The following HMHB1 variants were observed in gnomAD, a reference collection of about 807,000 sequenced individuals.
HMHB1 encodes the protein histocompatibility minor HB-1, also known as minor histocompatibility protein HB-1.
HMHB1 carries 4 observed loss-of-function variants against 2.4 expected under a neutral mutation model. The ratio of observed to expected loss-of-function variants is 1.65; its 90% confidence interval spans 0.81 to 3.77. The LOEUF is 3.77. Among genes scored for constraint, HMHB1 ranks in the 30% most tolerant of loss-of-function variants. HMHB1 has a pLI of 0.01. For synonymous variants in HMHB1, 22 were observed against 17.6 expected (o/e 1.25, Z -0.63); for missense variants, 57 against 44.2 (o/e 1.29, Z -0.82).
rs780872966 is a variant in HMHB1, at chr5:143,820,476, A to G, written c.38-4A>G. 1.3e-6 allele frequency: 2 copies of G among 1,592,272 alleles called. No individual in the cohort carries two copies. The highest frequency in any genetic ancestry group is 3.3e-5 in the Admixed American group (2 of 59,918). On this transcript the variant is annotated splice_polypyrimidine_tract_variant and splice_region_variant and intron_variant, in intron 1 of 1. Coordinates refer to ENST00000289448, the MANE Select transcript of HMHB1 (RefSeq NM_021182.3). The stretch of plus-strand genomic sequence containing the variant: ...AGTCTCAGCTAAGCCATTCTTTTCT[A>G]TAGGTTCTCTGCATGTTTGGAAGTC...
intron 1 of HMHB1, among the ~76,000 whole-genome samples, chr5:143,819,674 C>T (rs1311040186): frequency 6.6e-6 from 1 of 150,780 alleles, no homozygotes; most frequent in Non-Finnish European, 1.5e-5. Flanking sequence ...GTGGGGAGCA[C>T]AATGGCAATA....
chr5:143,815,910 G>T (rs1759743973), intron 1 of HMHB1, among the ~76,000 whole-genome samples: 1 of 144,042 alleles, frequency 6.9e-6, no homozygotes, highest in Non-Finnish European at 1.5e-5. Context: ...GTTTCACCTT[G>T]TTAGCCAGGA....
intron 1 of HMHB1, among the ~76,000 whole-genome samples, chr5:143,815,109 A>G (rs1045905106): frequency 2.0e-5 from 3 of 152,240 alleles, no homozygotes; most frequent in African/African-American, 7.2e-5. Flanking sequence ...TGAAGAGAAG[A>G]GAGAACTGAC....
chr5:143,814,527 C>A (rs991886372), intron 1 of HMHB1, among the ~76,000 whole-genome samples: 1 of 152,180 alleles, frequency 6.6e-6, no homozygotes, highest in South Asian at 2.1e-4. Flanking sequence ...CAGGACTTAG[C>A]TGTCAGAGAG....
chr5:143,814,116 A>G (rs1759722703), intron 1 of HMHB1, among the ~76,000 whole-genome samples: 1 of 152,168 alleles, frequency 6.6e-6, no homozygotes, highest in South Asian at 2.1e-4. Context: ...AAATGTAGCC[A>G]TTGGCAAAAT....
chr5:143,812,259 A>G lies in HMHB1; in HGVS notation c.-9A>G. Reference sequence around the variant, plus strand: ...CATCCTCTGCCACACCACAGTGGAGAAACCAGAACTGGAGGAGCAGCCAGA... The same window carrying G: ...CATCCTCTGCCACACCACAGTGGAGGAACCAGAACTGGAGGAGCAGCCAGA... On this transcript the variant is annotated 5_prime_UTR_variant, in exon 1 of 2. Coordinates refer to ENST00000289448, the MANE Select transcript of HMHB1 (RefSeq NM_021182.3). 1 of 1,551,686 alleles carries G rather than the reference A, an allele frequency of 6.4e-7. No individual in the cohort carries two copies. The highest frequency in any genetic ancestry group is 8.7e-7 in the Non-Finnish European group (1 of 1,146,960).
Position 143,820,555 on chromosome 5 carries a change from C to G in HMHB1, c.113C>G (p.Thr38Ser). ...TATCTGAGGCACAGCTCTTCCCTGA[C>G]TTATAGGCTTTGACACTGCTGTTGA... Residue 38 changes from threonine (T) to serine (S), a missense_variant, in exon 2 of 2, where the codon ACT becomes AGT. Transcript: ENST00000289448. 6.2e-7 allele frequency: 1 copy of G among 1,611,214 alleles called. No individual in the cohort carries two copies. The highest frequency in any genetic ancestry group is 8.5e-7 in the Non-Finnish European group (1 of 1,177,550).
intron 1 of HMHB1, among the ~76,000 whole-genome samples, chr5:143,817,127 G>C (rs1010921121): frequency 4.6e-5 from 7 of 152,142 alleles, no homozygotes; most frequent in African/African-American, 1.7e-4. Context: ...CACATGTATA[G>C]ATTGTGAAGA....
At chr5:143,814,572 C>G (rs1759727762) in intron 1 of HMHB1, among the ~76,000 whole-genome samples, 1 of 152,198 alleles carries the variant, frequency 6.6e-6, no homozygotes, top group Non-Finnish European at 1.5e-5. Flanking sequence ...CTTCCCAGCA[C>G]AACATCTCAC....
At chr5:143,818,005 T>G (rs767121594) in intron 1 of HMHB1, among the ~76,000 whole-genome samples, 73 of 152,298 alleles carry the variant, frequency 4.8e-4, no homozygotes, top group Non-Finnish European at 2.6e-4. Flanking sequence ...CCCAAACTGA[T>G]CAATAGATTC....
At chr5:143,819,726 C>T (rs1356206082) in intron 1 of HMHB1, among the ~76,000 whole-genome samples, 1 of 151,842 alleles carries the variant, frequency 6.6e-6, no homozygotes, top group Non-Finnish European at 1.5e-5. Flanking sequence ...AGATTTTATC[C>T]AGTTCCAAAG....
chr5:143,816,332 T>C (rs1204582971), intron 1 of HMHB1, among the ~76,000 whole-genome samples: 1 of 152,162 alleles, frequency 6.6e-6, no homozygotes, highest in African/African-American at 2.4e-5. Flanking sequence ...ATCCTATTTG[T>C]AGTCTTTTAT....
chr5:143,815,533 T>C (rs967458507), intron 1 of HMHB1, among the ~76,000 whole-genome samples: 6 of 151,900 alleles, frequency 3.9e-5, no homozygotes, highest in Non-Finnish European at 5.9e-5. Context: ...TTTTCTTTTT[T>C]TTTTTTGAGA....
intron 1 of HMHB1, among the ~76,000 whole-genome samples, chr5:143,819,596 C>T (rs1204269281): frequency 3.5e-5 from 5 of 144,534 alleles, no homozygotes; most frequent in African/African-American, 1.3e-4. Flanking sequence ...GATCGTGCCA[C>T]TGCACTCCAG....
In HMHB1 at chr5:143,820,642, G is replaced by C; in HGVS notation, c.*74G>C. On this transcript the variant is annotated 3_prime_UTR_variant, in exon 2 of 2. Transcript: ENST00000289448. ...GCAGGGACAAATTGCTGAGCATGAA[G>C]AAGAGTAAAATTAAGCAAGTGGAAC... The C allele has an allele frequency of 1.1e-6, 1 of 950,480 alleles. No homozygotes were observed. Among genetic ancestry groups the C allele is most frequent in the Middle Eastern group, 2.1e-4 (1 of 4,726 alleles). The allele number at this position is 950,480 out of a possible 1,614,324, so 58.9% of individuals were successfully genotyped here. A position where few individuals can be genotyped will look rare whatever the true frequency, so the allele number is the denominator to read the frequency against.
chr5:143,813,243 T>C (rs567474668), intron 1 of HMHB1, among the ~76,000 whole-genome samples: 18 of 152,350 alleles, frequency 1.2e-4, no homozygotes, highest in Non-Finnish European at 2.4e-4. Flanking sequence ...TGCTGTTTTA[T>C]TGTTTCATAC....
At chr5:143,814,822 T>C (rs1034277669) in intron 1 of HMHB1, among the ~76,000 whole-genome samples, 1 of 152,248 alleles carries the variant, frequency 6.6e-6, no homozygotes, top group Non-Finnish European at 1.5e-5. Flanking sequence ...AAATGGAATT[T>C]GTCCCCACTA....
rs1036559819 is a variant in HMHB1 at position 143,813,639 on chromosome 5, G to A, written c.37+1335G>A. Among the ~76,000 whole-genome samples, 11 of 152,304 alleles carry A rather than the reference G, an allele frequency of 7.2e-5. 1 individual carries two copies. The highest frequency in any genetic ancestry group is 1.3e-4 in the Non-Finnish European group (9 of 68,032). On this transcript the variant is annotated intron_variant, in intron 1 of 1. Transcript: ENST00000289448. ...AAAGACATTGTCAGTCTCATGAGCAGTCCATATTTTTTTTTATTGGTGAGA... is the reference window on the plus strand; with the variant it reads ...AAAGACATTGTCAGTCTCATGAGCAATCCATATTTTTTTTTATTGGTGAGA...
chr5:143,812,323 G>T lies in HMHB1; in HGVS notation c.37+19G>T. 6.4e-7 allele frequency: 1 copy of T among 1,550,556 alleles called. No homozygotes were observed. On this transcript the variant is annotated intron_variant, in intron 1 of 1. Coordinates refer to ENST00000289448, the MANE Select transcript of HMHB1 (RefSeq NM_021182.3). ...AAAAGAGGTGAGGGAGCGAGGAGGA[G>T]GGAGAACAGAGAGAGAGGGAAAGAG...
Sources: allele counts gnomAD v4.1 joint callset (sites outside exome capture counted in the v4.1 genomes callset), GRCh38; gene constraint gnomAD v4.1.1; transcripts MANE v1.5; gene names NCBI Gene and HGNC (gene_info 2026-07-23, HGNC 2026-07-21).